The following IDI1 variants were observed in gnomAD, a reference collection of about 807,000 sequenced individuals.
IDI1 encodes isopentenyl-diphosphate delta isomerase 1.
In IDI1, 23 loss-of-function variants were observed where a neutral mutation model predicts 32.9. The ratio of observed to expected loss-of-function variants is 0.70; its 90% confidence interval spans 0.50 to 0.99. The LOEUF (loss-of-function observed/expected upper bound fraction) is 0.99. Among genes scored for constraint, IDI1 ranks in the 50% least tolerant of loss-of-function variants. IDI1 has a pLI of 0.00. For missense variants in IDI1, 326 were observed against 351.9 expected (o/e 0.93, Z 0.59); for synonymous variants, 133 against 128.2 (o/e 1.04, Z -0.25).
chr10:1,048,911 G>C lies in IDI1; in HGVS notation c.93C>G (p.Ser31Arg). 1 of 1,605,258 alleles carries C rather than the reference G, an allele frequency of 6.2e-7. No homozygotes were observed. Among genetic ancestry groups the C allele is most frequent in the Non-Finnish European group, 8.5e-7 (1 of 1,177,430 alleles). Residue 31 changes from serine (S) to arginine (R), a missense_variant, in exon 1 of 5, where the codon AGC (serine) becomes AGG (arginine). This residue lies in a region of IDI1 where 121 missense variants were observed against 78.4 expected (regional missense o/e 1.54). Coordinates refer to ENST00000381344, the MANE Select transcript of IDI1 (RefSeq NM_004508.4). The part of the protein sequence containing the change: ...WAVRAADCAQ[S>R]GRHPGPAVVC... ...CAACCGCCGGTCCCGGATGGCGCCC[G>C]CTTTGAGCACAGTCTGCGGCGCGCA... is the stretch of plus-strand genomic sequence containing the variant.
chr10:1,041,462 TGTAGTGAATTC>T lies in IDI1; in HGVS notation c.569_579del (p.Arg190GlnfsTer5), dbSNP rs760501974. 6.2e-7 allele frequency: 1 copy of T among 1,600,596 alleles called. No individual in the cohort carries two copies. Among genetic ancestry groups the T allele is most frequent in the Non-Finnish European group, 8.5e-7 (1 of 1,171,230 alleles). On this transcript the variant is annotated frameshift_variant, in exon 5 of 5. Coordinates refer to ENST00000381344, the MANE Select transcript of IDI1 (RefSeq NM_004508.4). LOFTEE classifies it high-confidence loss of function. ...CCCCAGATACCATCAGACTGAGCTTTGTAGTGAATTCGTGTTAAATAATTAATTTCTTCTGG... is the reference window on the plus strand; with the variant it reads ...CCCCAGATACCATCAGACTGAGCTTTGTGTTAAATAATTAATTTCTTCTGG...
chr10:1,044,068 C>T lies in IDI1; in HGVS notation c.244G>A (p.Asp82Asn). ...QLLAEMCILI[D>N]ENDNKIGAET... ...GCTCCAATTTTATTGTCATTTTCAT[C>T]AATAAGGATACACATCTCTGCCAGG... The change falls in exon 2 of 5, where the codon GAT (aspartate) becomes AAT (asparagine). Residue 82 changes from aspartate (D) to asparagine (N), a missense_variant. Physicochemically the swap from Asp to Asn is conservative, Grantham distance 23. This residue lies in a region of IDI1 where 205 missense variants were observed against 273.5 expected (regional missense o/e 0.75). Coordinates refer to ENST00000381344, the MANE Select transcript of IDI1 (RefSeq NM_004508.4). The T allele has an allele frequency of 6.2e-7, 1 of 1,613,532 alleles. No individual in the cohort carries two copies. The highest frequency in any genetic ancestry group is 8.5e-7 in the Non-Finnish European group (1 of 1,179,640).
At chr10:1,053,688 TTC>T (rs1478592197), upstream of IDI1, among the ~76,000 whole-genome samples, 1 of 152,232 alleles carries the variant, frequency 6.6e-6, no homozygotes, top group Non-Finnish European at 1.5e-5. Flanking sequence ...GTGCAACTCA[TTC>T]TTTTATGAAA....
intron 2 of IDI1, 60 bp from the exon 3 acceptor site, chr10:1,043,453 T>C (rs1832683737): frequency 2.0e-6 from 2 of 1,014,500 alleles, no homozygotes; most frequent in Non-Finnish European, 3.2e-6. Context: ...TGCCAAATTC[T>C]CTCCCTGCAG....
the IDI1 span, among the ~76,000 whole-genome samples, chr10:1,054,882 G>T: frequency 6.6e-6 from 1 of 152,198 alleles, no homozygotes; most frequent in Non-Finnish European, 1.5e-5. Context: ...CTCATAAAAA[G>T]AACGCTAAGT....
At chr10:1,042,418 GATCA>G in intron 4 of IDI1, 1 of 510,050 alleles carries the variant, frequency 2.0e-6, no homozygotes, top group Non-Finnish European at 3.6e-6. Flanking sequence ...GTGCTTAACA[GATCA>G]ATCCATCCCC....
upstream of IDI1, among the ~76,000 whole-genome samples, chr10:1,050,050 G>A (rs1832957984): frequency 6.6e-6 from 1 of 152,202 alleles, no homozygotes; most frequent in Non-Finnish European, 1.5e-5. Flanking sequence ...CTGAACTTGT[G>A]AGATGAACCT....
At chr10:1,042,000 A>G (rs140249324) in intron 4 of IDI1, among the ~76,000 whole-genome samples, 6,817 of 151,382 alleles carry the variant, frequency 0.045, 509 homozygotes, top group African/African-American at 0.15. Context: ...GTAGAGACGG[A>G]GTTTCACCAT....
chr10:1,052,613 T>C (rs532659097), upstream of IDI1, among the ~76,000 whole-genome samples: 2 of 152,094 alleles, frequency 1.3e-5, no homozygotes, highest in African/African-American at 4.8e-5. Flanking sequence ...TCCTGAGCAG[T>C]AGGTCTCAAC....
chr10:1,043,947 C>G, intron 2 of IDI1, 52 bp downstream of exon 2: 1 of 1,495,416 alleles, frequency 6.7e-7, no homozygotes, highest in East Asian at 2.3e-5. Flanking sequence ...CTCAGCAAAT[C>G]GGAAATGCCT....
At chr10:1,049,360 T>G (rs370264499), upstream of IDI1, among the ~76,000 whole-genome samples, 3 of 151,954 alleles carry the variant, frequency 2.0e-5, no homozygotes, top group African/African-American at 7.3e-5. Flanking sequence ...CGCCAAGCCC[T>G]GCAGCCGGAA....
chr10:1,041,068 G>T lies in IDI1; in HGVS notation c.*119C>A. On this transcript the variant is annotated 3_prime_UTR_variant, in exon 5 of 5. Coordinates refer to ENST00000381344, the MANE Select transcript of IDI1 (RefSeq NM_004508.4). Reference sequence around the variant, plus strand: ...CAGTGTATATAATACATTAATGATAGTACCAAATGATAGAACTAAATTTAA... The same window carrying T: ...CAGTGTATATAATACATTAATGATATTACCAAATGATAGAACTAAATTTAA... The T allele has an allele frequency of 1.5e-6, 1 of 653,248 alleles. No individual in the cohort carries two copies. The highest frequency in any genetic ancestry group is 2.6e-6 in the Non-Finnish European group (1 of 385,642). The allele number at this position is 653,248 out of a possible 1,614,324, so 40.5% of individuals were successfully genotyped here. A position where few individuals can be genotyped will look rare whatever the true frequency, so the allele number is the denominator to read the frequency against.
At chr10:1,048,648 C>A in intron 1 of IDI1, 1 of 1,412,114 alleles carries the variant, frequency 7.1e-7, no homozygotes, top group Non-Finnish European at 9.2e-7. Flanking sequence ...CGACTCACGC[C>A]TCCGCCTTCC....
At position 1,043,409 on chromosome 10, in the gene IDI1, A is replaced by G. The variant is rs1359273358; in HGVS notation, c.314-16T>C. ...TGCAATAATCCTGAAAGCAAAAGAA[A>G]TAACAATTATTTTAGCCTTAAGTAC... On this transcript the variant is annotated splice_polypyrimidine_tract_variant and intron_variant, in intron 2 of 4. Transcript: ENST00000381344. The G allele has an allele frequency of 1.3e-6, 2 of 1,520,410 alleles. No individual in the cohort carries two copies. The highest frequency in any genetic ancestry group is 1.8e-6 in the Non-Finnish European group (2 of 1,094,890). The allele number at this position is 1,520,410 out of a possible 1,614,324, so 94.2% of individuals were successfully genotyped here.
upstream of IDI1, among the ~76,000 whole-genome samples, chr10:1,051,314 G>A (rs1208971406): frequency 6.6e-6 from 1 of 152,136 alleles, no homozygotes; most frequent in Non-Finnish European, 1.5e-5. Flanking sequence ...AGTTCTTGAT[G>A]GTTTTAAGTT....
At chr10:1,048,331 C>T in intron 1 of IDI1, 3 of 1,304,686 alleles carry the variant, frequency 2.3e-6, no homozygotes, top group Non-Finnish European at 2.0e-6. Context: ...ATGCGATGCT[C>T]CCCATCTCTT....
At chr10:1,043,782 C>G in intron 2 of IDI1, 1 of 675,014 alleles carries the variant, frequency 1.5e-6, no homozygotes, top group Non-Finnish European at 2.7e-6. Flanking sequence ...CAGAATAACT[C>G]TGAAGAAGCC....
Position 1,044,002 on chromosome 10 carries a change from T to C in IDI1, c.310A>G (p.Lys104Glu). 1 of 1,610,380 alleles carries C rather than the reference T, an allele frequency of 6.2e-7. No individual in the cohort carries two copies. The highest frequency in any genetic ancestry group is 8.5e-7 in the Non-Finnish European group (1 of 1,178,898). Reference sequence around the variant, plus strand: ...AAAGACTGTTTCAAAGCAGCACCTTTCTCAATGTTCTCGTTCAGGTGACAA... The same window carrying C: ...AAAGACTGTTTCAAAGCAGCACCTTCCTCAATGTTCTCGTTCAGGTGACAA... ...KNCHLNENIEKGLLHRAFSVF... is the reference protein window; with the variant it reads ...KNCHLNENIEEGLLHRAFSVF... The change falls in exon 2 of 5, where the codon AAA becomes GAA. Residue 104 changes from lysine (K) to glutamate (E), a missense_variant. Transcript: ENST00000381344.
chr10:1,048,917 A>T lies in IDI1; in HGVS notation c.87T>A (p.Ala29=). 1 of 1,603,202 alleles carries T rather than the reference A, an allele frequency of 6.2e-7. No individual in the cohort carries two copies. Among genetic ancestry groups the T allele is most frequent in the South Asian group, 1.1e-5 (1 of 90,260 alleles). The change falls in exon 1 of 5, where the codon GCT becomes GCA. Residue 29 remains alanine, a synonymous_variant. Transcript: ENST00000381344. ...GQWAVRAADC[A]QSGRHPGPAV... Reference sequence around the variant, plus strand: ...CCGGTCCCGGATGGCGCCCGCTTTGAGCACAGTCTGCGGCGCGCACCGCCC... The same window carrying T: ...CCGGTCCCGGATGGCGCCCGCTTTGTGCACAGTCTGCGGCGCGCACCGCCC...
Sources: gnomAD v4.1 joint callset for allele counts (sites outside exome capture counted in the v4.1 genomes callset) on GRCh38, gnomAD v4.1.1 for gene constraint, gnomAD v4.1.1 regional missense constraint, MANE v1.5 for transcripts, NCBI Gene and HGNC (gene_info 2026-07-23, HGNC 2026-07-21) for gene names.